TAFA4: variants seen among roughly 807,000 people sequenced by gnomAD.
The protein encoded by TAFA4 is TAFA chemokine like family member 4.
TAFA4 carries 20 observed loss-of-function variants against 21.1 expected under a neutral mutation model. The ratio of observed to expected loss-of-function variants is 0.95; its 90% CI spans 0.67 to 1.38. The LOEUF is 1.38. TAFA4 is among the 40% of genes most tolerant of loss of function. The pLI is 0.00. For synonymous variants in TAFA4, 71 were observed against 67.4 expected (o/e 1.05, Z -0.26); for missense variants, 211 against 180.9 (o/e 1.17, Z -0.95).
At chr3:68,737,904 T>C (rs1702273502) in intron 5 of TAFA4, among the ~76,000 whole-genome samples, 1 of 152,204 alleles carries the variant, frequency 6.6e-6, no homozygotes. Flanking sequence ...CCAGCTCTAA[T>C]GATCTTAGAA....
chr3:68,852,925 A>T (rs958213119), intron 3 of TAFA4, among the ~76,000 whole-genome samples: 2 of 152,186 alleles, frequency 1.3e-5, no homozygotes, highest in African/African-American at 2.4e-5. Context: ...CATATTCAAG[A>T]TCAGACTAGT....
intron 3 of TAFA4, among the ~76,000 whole-genome samples, chr3:68,840,078 C>T (rs930298795): frequency 6.6e-6 from 1 of 152,192 alleles, no homozygotes. Context: ...TTTGTTCCCT[C>T]AGGCTAAAGT....
intron 1 of TAFA4, among the ~76,000 whole-genome samples, chr3:68,905,615 T>C (rs1017538238): frequency 1.3e-5 from 2 of 152,044 alleles, no homozygotes; most frequent in Non-Finnish European, 2.9e-5. Context: ...TCATTTTCAG[T>C]TGGAGCCTAA....
At chr3:68,825,415 A>C (rs1052531866) in intron 3 of TAFA4, among the ~76,000 whole-genome samples, 2 of 152,336 alleles carry the variant, frequency 1.3e-5, no homozygotes, top group East Asian at 3.9e-4. Context: ...ATTACTGGGT[A>C]TACACCCAAA....
intron 4 of TAFA4, among the ~76,000 whole-genome samples, chr3:68,740,882 G>C (rs1480913374): frequency 6.6e-6 from 1 of 152,132 alleles, no homozygotes; most frequent in Non-Finnish European, 1.5e-5. Context: ...AATTTTCCCA[G>C]CACCCTTTAT....
At chr3:68,754,156 A>C (rs1412292944) in intron 3 of TAFA4, among the ~76,000 whole-genome samples, 1 of 152,206 alleles carries the variant, frequency 6.6e-6, no homozygotes, top group Non-Finnish European at 1.5e-5. Flanking sequence ...GTATTTTCTA[A>C]AAACAAAGAC....
chr3:68,817,525 T>C (rs2106856444), intron 3 of TAFA4, among the ~76,000 whole-genome samples: 1 of 152,306 alleles, frequency 6.6e-6, no homozygotes, highest in East Asian at 1.9e-4. Context: ...GGTTTTCAAT[T>C]TCCTTTGGCT....
intron 3 of TAFA4, among the ~76,000 whole-genome samples, chr3:68,866,651 TAAAAAAA>T (rs59878536): frequency 8.1e-4 from 10 of 12,402 alleles, no homozygotes; most frequent in African/African-American, 3.9e-3. Flanking sequence ...ATAGCAGTTC[TAAAAAAA>T]AAAAAAAAAA....
At chr3:68,830,346 C>T (rs917341102) in intron 3 of TAFA4, among the ~76,000 whole-genome samples, 12 of 151,326 alleles carry the variant, frequency 7.9e-5, no homozygotes, top group African/African-American at 2.7e-4. Context: ...TTTCCCTCAA[C>T]ATACTGCTGT....
chr3:68,747,735 C>T (rs17047968), intron 4 of TAFA4, among the ~76,000 whole-genome samples: 7,099 of 152,270 alleles, frequency 0.047, 397 homozygotes, highest in East Asian at 0.24. Context: ...CATCACATTT[C>T]TCCTTCTCCG....
At chr3:68,929,353 T>C (rs1403988551) in intron 1 of TAFA4, among the ~76,000 whole-genome samples, 1 of 152,254 alleles carries the variant, frequency 6.6e-6, no homozygotes, top group African/African-American at 2.4e-5. Context: ...TTGTTTCCTA[T>C]TGCCTGAATC....
intron 3 of TAFA4, among the ~76,000 whole-genome samples, chr3:68,839,361 A>G (rs1704599908): frequency 6.6e-6 from 1 of 152,222 alleles, no homozygotes; most frequent in South Asian, 2.1e-4. Flanking sequence ...AAGTTACATT[A>G]TTATATGGGG....
intron 3 of TAFA4, among the ~76,000 whole-genome samples, chr3:68,861,030 A>ACCCCCCCCCCCCCCCC (rs113804738): frequency 9.9e-5 from 11 of 111,020 alleles, no homozygotes; most frequent in Admixed American, 1.9e-4. Flanking sequence ...TTAAATATGC[A>ACCCCCCCCCCCCCCCC]CCCCCCCCCC....
chr3:68,853,922 C>T (rs1387435815), intron 3 of TAFA4, among the ~76,000 whole-genome samples: 18 of 152,060 alleles, frequency 1.2e-4, no homozygotes. Flanking sequence ...CAAACTCATT[C>T]AGTGATTCAG....
chr3:68,770,580 G>C (rs1481967189), intron 3 of TAFA4, among the ~76,000 whole-genome samples: 1 of 151,756 alleles, frequency 6.6e-6, no homozygotes, highest in African/African-American at 2.4e-5. Context: ...AATATACAAG[G>C]AATTTCCAAG....
intron 1 of TAFA4, among the ~76,000 whole-genome samples, chr3:68,911,998 T>C (rs2089965375): frequency 6.6e-6 from 1 of 152,186 alleles, no homozygotes; most frequent in Non-Finnish European, 1.5e-5. Flanking sequence ...ATCCTCTGCA[T>C]TCCAGTGAAT....
intron 3 of TAFA4, 82 bp from the exon 4 acceptor site, chr3:68,753,100 G>A: frequency 1.5e-6 from 2 of 1,324,314 alleles, no homozygotes; most frequent in Non-Finnish European, 2.1e-6. Context: ...ATGCTATGAT[G>A]ACATTTTCCA....
intron 3 of TAFA4, among the ~76,000 whole-genome samples, chr3:68,829,821 C>CT (rs1704339839): frequency 6.6e-6 from 1 of 152,168 alleles, no homozygotes; most frequent in Admixed American, 6.5e-5. Flanking sequence ...CGGTCCTGGA[C>CT]TTTTTTTGGT....
chr3:68,850,213 T>C (rs1343052951), intron 3 of TAFA4, among the ~76,000 whole-genome samples: 1 of 152,146 alleles, frequency 6.6e-6, no homozygotes, highest in Non-Finnish European at 1.5e-5. Context: ...TAATATTGCC[T>C]AAGGTAGGGA....
Sources: gnomAD v4.1 joint callset for allele counts (sites outside exome capture counted in the v4.1 genomes callset) on GRCh38, gnomAD v4.1.1 for gene constraint, MANE v1.5 for transcripts, NCBI Gene and HGNC (gene_info 2026-07-23, HGNC 2026-07-21) for gene names.